The following RBFOX1 variants were observed in gnomAD, a reference collection of about 807,000 sequenced individuals.
RBFOX1 encodes the protein RNA binding fox-1 homolog 1, also known as RNA binding protein fox-1 homolog 1.
RBFOX1 carries 8 observed loss-of-function variants against 57.7 expected under a neutral mutation model. The observed-to-expected ratio is 0.14, with a 90% CI of 0.08 to 0.25. RBFOX1 has a LOEUF of 0.25. Ranked by LOEUF, RBFOX1 falls within the 10% of genes least tolerant of loss-of-function variation. The pLI is 1.00. For synonymous variants in RBFOX1, 326 were observed against 222.4 expected (o/e 1.47, Z -4.15); for missense variants, 611 against 548.5 (o/e 1.11, Z -1.14).
downstream of RBFOX1, among the ~76,000 whole-genome samples, chr16:5,605,135 G>A (rs1289460396): frequency 6.6e-6 from 1 of 152,214 alleles, no homozygotes; most frequent in East Asian, 1.9e-4. Context: ...GTTGCTGTGA[G>A]TGGTGACAGG....
intron 2 of RBFOX1, among the ~76,000 whole-genome samples, chr16:6,429,110 C>T (rs999911255): frequency 6.6e-6 from 1 of 152,218 alleles, no homozygotes; most frequent in African/African-American, 2.4e-5. Flanking sequence ...GGAGCATATT[C>T]AGTTATTAGC....
intron 3 of RBFOX1, among the ~76,000 whole-genome samples, chr16:7,019,348 G>T (rs1282891478): frequency 6.6e-6 from 1 of 152,126 alleles, no homozygotes; most frequent in South Asian, 2.1e-4. Context: ...ATTCTTTGGA[G>T]TAAGACCTTT....
chr16:6,916,757 C>T (rs949341511), intron 3 of RBFOX1, among the ~76,000 whole-genome samples: 2 of 152,178 alleles, frequency 1.3e-5, no homozygotes, highest in Admixed American at 6.5e-5. Flanking sequence ...CTTTTTTCTA[C>T]CACCCACTTA....
chr16:7,681,335 TTCA>T (rs1444931740), intron 14 of RBFOX1, among the ~76,000 whole-genome samples: 1 of 152,024 alleles, frequency 6.6e-6, no homozygotes, highest in African/African-American at 2.4e-5. Flanking sequence ...CCTCTAATAT[TTCA>T]TCATAAGCTA....
At chr16:6,930,202 A>G (rs2076279519) in intron 3 of RBFOX1, among the ~76,000 whole-genome samples, 2 of 152,236 alleles carry the variant, frequency 1.3e-5, no homozygotes, top group Non-Finnish European at 2.9e-5. Flanking sequence ...TATTGAGAAT[A>G]TATTGAGAAC....
chr16:5,362,479 C>T (rs1339884452), intron 1 of RBFOX1, among the ~76,000 whole-genome samples: 2 of 152,234 alleles, frequency 1.3e-5, no homozygotes, highest in Non-Finnish European at 2.9e-5. Context: ...TCTCCTGCCT[C>T]AGTCTCCCGA....
intron 3 of RBFOX1, among the ~76,000 whole-genome samples, chr16:5,778,109 G>A (rs987444783): frequency 1.3e-5 from 2 of 152,078 alleles, no homozygotes; most frequent in African/African-American, 4.8e-5. Flanking sequence ...GCTTTGTACC[G>A]TTGACTTCCC....
intron 4 of RBFOX1, among the ~76,000 whole-genome samples, chr16:7,390,294 A>G (rs576380583): frequency 6.6e-6 from 1 of 152,304 alleles, no homozygotes; most frequent in African/African-American, 2.4e-5. Flanking sequence ...AGGGGTCTAG[A>G]AAGGTAAACC....
At chr16:6,942,660 G>C (rs746681501) in intron 3 of RBFOX1, among the ~76,000 whole-genome samples, 5 of 152,156 alleles carry the variant, frequency 3.3e-5, no homozygotes, top group Non-Finnish European at 7.3e-5. Flanking sequence ...CAGCGAGAAG[G>C]ATAAGATGGT....
intron 1 of RBFOX1, among the ~76,000 whole-genome samples, chr16:6,080,217 T>C (rs6500749): frequency 0.69 from 104,464 of 151,866 alleles, 36,552 homozygotes; most frequent in Non-Finnish European, 0.77. Context: ...TGATCCGTGG[T>C]TTCCTTCCTG....
intron 1 of RBFOX1, among the ~76,000 whole-genome samples, chr16:5,280,698 A>G (rs1023487249): frequency 3.3e-5 from 5 of 152,120 alleles, no homozygotes; most frequent in Non-Finnish European, 1.5e-5. Flanking sequence ...CCTTTCCTCT[A>G]GGTTTTCCAA....
At chr16:7,314,881 A>T (rs7189934) in intron 4 of RBFOX1, among the ~76,000 whole-genome samples, 152,327 of 152,338 alleles carry the variant, frequency 1, 76,158 homozygotes, top group Middle Eastern at 1. Context: ...AAAAGAATGC[A>T]GCTTCGTTTT....
intron 1 of RBFOX1, among the ~76,000 whole-genome samples, chr16:6,214,767 G>C (rs1237125049): frequency 8.7e-6 from 1 of 114,772 alleles, no homozygotes; most frequent in African/African-American, 3.4e-5. Flanking sequence ...GAGAGAAGGA[G>C]AGAGAGAGAG....
intron 1 of RBFOX1, among the ~76,000 whole-genome samples, chr16:6,232,832 C>T (rs150378692): frequency 2.6e-5 from 4 of 152,214 alleles, no homozygotes; most frequent in African/African-American, 9.6e-5. Context: ...AGCTGGGTCC[C>T]TATGTGTTTG....
At position 5,654,557 on chromosome 16, in the gene RBFOX1, T is replaced by A. The variant is rs188995807; in HGVS notation, c.318+55596T>A. Reference sequence around the variant, plus strand: ...AGACTCCAAGCACAGGACTTTCTGGTTCAAGCCTGTCCTGTGCTGGATGTG... The same window carrying A: ...AGACTCCAAGCACAGGACTTTCTGGATCAAGCCTGTCCTGTGCTGGATGTG... On this transcript the variant is annotated intron_variant, in intron 3 of 19. Transcript: ENST00000641259. Among the ~76,000 whole-genome samples, 12 of 152,204 alleles carry A rather than the reference T, an allele frequency of 7.9e-5. No homozygotes were observed. The East Asian group carries it at 2.3e-3, about 29-fold the overall frequency.
At position 7,514,380 on chromosome 16, in the gene RBFOX1, T is replaced by G. The variant is rs561619714; in HGVS notation, c.28-3767T>G. ...CCAGAGGTCATTTTTCCAGCACATA[T>G]TCACTTGGCAAACATTTATAAATGT... On this transcript the variant is annotated intron_variant, in intron 4 of 15. Transcript: ENST00000550418. Among the ~76,000 whole-genome samples the G allele has an allele frequency of 6.6e-5, 10 of 152,286 alleles. No individual in the cohort carries two copies. In the South Asian group the frequency reaches 2.1e-3, roughly 32 times the overall value.
chr16:6,299,989 C>T (rs2078622495), intron 1 of RBFOX1, among the ~76,000 whole-genome samples: 1 of 152,224 alleles, frequency 6.6e-6, no homozygotes, highest in South Asian at 2.1e-4. Flanking sequence ...CTCACATGTA[C>T]AATGGGATAC....
intron 3 of RBFOX1, among the ~76,000 whole-genome samples, chr16:5,738,220 C>A (rs1022781703): frequency 2.0e-5 from 3 of 152,124 alleles, no homozygotes; most frequent in Non-Finnish European, 4.4e-5. Flanking sequence ...AACTTTGTCA[C>A]ATGCAGAGAA....
chr16:5,696,519 T>C (rs1336785031), intron 3 of RBFOX1, among the ~76,000 whole-genome samples: 2 of 152,246 alleles, frequency 1.3e-5, no homozygotes, highest in Admixed American at 6.5e-5. Context: ...AATAAAATTA[T>C]GTGATCCAAG....
Sources: allele counts gnomAD v4.1 joint callset (sites outside exome capture counted in the v4.1 genomes callset), GRCh38; gene constraint gnomAD v4.1.1; transcripts MANE v1.5; gene names NCBI Gene and HGNC (gene_info 2026-07-23, HGNC 2026-07-21).